The following NAMPT variants were observed in gnomAD, a reference collection of about 807,000 sequenced individuals.
The protein encoded by NAMPT is NAmPRTase.
Under a neutral mutation model 58.7 loss-of-function variants are expected in NAMPT, and 7 were observed. That is an observed-to-expected ratio of 0.12 (90% confidence interval 0.07 to 0.22). The LOEUF (loss-of-function observed/expected upper bound fraction) is 0.22. NAMPT is among the 10% of genes least tolerant of loss of function. The probability of loss-of-function intolerance (pLI) is 1.00; values close to 1 mark genes in which losing one functional copy is unlikely to be tolerated. For missense variants in NAMPT, 271 were observed against 567.9 expected, an observed-to-expected ratio of 0.48 and a Z score of 5.31; for synonymous variants, 145 against 198.1, an observed-to-expected ratio of 0.73 and a Z score of 2.25.
Position 106,249,018 on chromosome 7 carries a change from C to G in NAMPT, c.*2065G>C, listed in dbSNP as rs539135557. ...TGAAATTCACAGAACACAGAGAATACTGTCTGTACTATAATTTCAATGTTT... is the reference window on the plus strand; with the variant it reads ...TGAAATTCACAGAACACAGAGAATAGTGTCTGTACTATAATTTCAATGTTT... On this transcript the variant is annotated 3_prime_UTR_variant, in exon 11 of 11. Coordinates refer to ENST00000222553, the MANE Select transcript of NAMPT (RefSeq NM_005746.3). The G allele has an allele frequency of 6.6e-6, 1 of 152,132 alleles. No homozygotes were observed. The highest frequency in any genetic ancestry group is 2.4e-5 in the African/African-American group (1 of 41,536). 9.4% of individuals were successfully genotyped at this position (152,132 alleles called of 1,614,324 possible). A position where few individuals can be genotyped will look rare whatever the true frequency, so the allele number is the denominator to read the frequency against.
intron 4 of NAMPT, among the ~76,000 whole-genome samples, chr7:106,270,975 T>C (rs1792519929): frequency 6.6e-6 from 1 of 152,244 alleles, no homozygotes; most frequent in Non-Finnish European, 1.5e-5. Context: ...CTGACCATTC[T>C]GCTTCTGAAA....
chr7:106,281,799 A>G (rs1792771482), intron 1 of NAMPT, among the ~76,000 whole-genome samples: 1 of 152,138 alleles, frequency 6.6e-6, no homozygotes, highest in Admixed American at 6.5e-5. Context: ...AATCACCTAT[A>G]ATCATATTGC....
chr7:106,254,680 A>G (rs998640469), intron 8 of NAMPT, among the ~76,000 whole-genome samples, 176 bp from the exon 9 acceptor site: 1 of 152,146 alleles, frequency 6.6e-6, no homozygotes, highest in African/African-American at 2.4e-5. Flanking sequence ...CAAAAGATGG[A>G]TATGTGTGGA....
At chr7:106,284,736 C>CCCA in intron 1 of NAMPT, 92 bp downstream of exon 1, 6 of 787,906 alleles carry the variant, frequency 7.6e-6, no homozygotes, top group Non-Finnish European at 8.6e-6. Flanking sequence ...GCCCCAGCCC[C>CCCA]AACCCCAGCC....
At chr7:106,276,793 G>T in intron 2 of NAMPT, 1 of 411,482 alleles carries the variant, frequency 2.4e-6, no homozygotes, top group Non-Finnish European at 4.5e-6. Context: ...GCTGAGTTGA[G>T]ATCATGCCAT....
At chr7:106,281,637 C>A (rs1218336473) in intron 1 of NAMPT, among the ~76,000 whole-genome samples, 1 of 152,194 alleles carries the variant, frequency 6.6e-6, no homozygotes, top group Non-Finnish European at 1.5e-5. Context: ...ATAACCGATT[C>A]TTCTTTTCAG....
chr7:106,271,319 G>C (rs1348518000), intron 4 of NAMPT, among the ~76,000 whole-genome samples: 5 of 152,070 alleles, frequency 3.3e-5, no homozygotes, highest in Admixed American at 2.0e-4. Context: ...CTTATTAAAA[G>C]CTTATTTATT....
At chr7:106,253,867 G>C (rs111790245) in intron 9 of NAMPT, among the ~76,000 whole-genome samples, 35 of 152,192 alleles carry the variant, frequency 2.3e-4, no homozygotes, top group African/African-American at 7.7e-4. Flanking sequence ...TTGCTCTATA[G>C]AATCTCCAGC....
intron 1 of NAMPT, among the ~76,000 whole-genome samples, chr7:106,283,067 G>A (rs1284067335): frequency 6.6e-6 from 1 of 152,114 alleles, no homozygotes; most frequent in African/African-American, 2.4e-5. Flanking sequence ...TAAGCCACTG[G>A]TATAAAACAT....
chr7:106,252,882 C>T (rs1792128268), intron 10 of NAMPT, 135 bp downstream of exon 10: 1 of 1,102,046 alleles, frequency 9.1e-7, no homozygotes. Flanking sequence ...TAGGCCAGGT[C>T]AGCAATTGGA....
intron 1 of NAMPT, among the ~76,000 whole-genome samples, chr7:106,282,270 A>C (rs927217857): frequency 1.3e-5 from 2 of 152,172 alleles, no homozygotes; most frequent in African/African-American, 4.8e-5. Context: ...TATAAATTTC[A>C]CAGCTCTTTG....
chr7:106,254,065 C>T (rs977491502), intron 9 of NAMPT, among the ~76,000 whole-genome samples: 1 of 151,776 alleles, frequency 6.6e-6, no homozygotes, highest in African/African-American at 2.4e-5. Flanking sequence ...CATTCCTACT[C>T]AAATATTACT....
At position 106,255,231 on chromosome 7, in the gene NAMPT, G is replaced by A. The variant is rs1433732129; in HGVS notation, c.1090-727C>T. 5.9e-5 allele frequency among the ~76,000 whole-genome samples: 9 copies of A among 152,166 alleles called. No individual in the cohort carries two copies. In the East Asian group the frequency reaches 1.3e-3, roughly 23 times the overall value. On this transcript the variant is annotated intron_variant, in intron 8 of 10. Coordinates refer to ENST00000222553, the MANE Select transcript of NAMPT (RefSeq NM_005746.3). ...CTTTAAAGATGTGTTTATTACCAAT[G>A]TCATTTGTATTTCTTTCACCAAAGT...
chr7:106,267,854 A>AC (rs1792450652), intron 6 of NAMPT, among the ~76,000 whole-genome samples: 2 of 116,478 alleles, frequency 1.7e-5, no homozygotes, highest in African/African-American at 3.0e-5. Context: ...AAAAAAAAAA[A>AC]AAAAAAAAAA....
At chr7:106,276,381 A>T (rs1350132959) in intron 2 of NAMPT, 1 of 152,234 alleles carries the variant, frequency 6.6e-6, no homozygotes, top group East Asian at 1.9e-4. Flanking sequence ...AGTTTTTAAA[A>T]ATAGGTCTTC....
chr7:106,260,192 T>C (rs1318067877), intron 8 of NAMPT, among the ~76,000 whole-genome samples: 1 of 152,248 alleles, frequency 6.6e-6, no homozygotes, highest in African/African-American at 2.4e-5. Context: ...GGCTGTTTCC[T>C]CTACACTGAC....
At position 106,266,449 on chromosome 7, in the gene NAMPT, A is replaced by C. The variant is rs559672474; in HGVS notation, c.743+2015T>G. ...GTATGTACATCTAAGGCCAAACTAA[A>C]AATAACTCTTAAAACTTTGTTAAAG... On this transcript the variant is annotated intron_variant, in intron 6 of 10. Transcript: ENST00000222553. 1.4e-4 allele frequency among the ~76,000 whole-genome samples: 21 copies of C among 152,332 alleles called. No individual in the cohort carries two copies. In the South Asian group the frequency reaches 4.1e-3, roughly 30 times the overall value.
intron 8 of NAMPT, among the ~76,000 whole-genome samples, chr7:106,260,981 G>C (rs1792291923): frequency 6.6e-6 from 1 of 152,156 alleles, no homozygotes; most frequent in African/African-American, 2.4e-5. Flanking sequence ...TTACCAGTAT[G>C]TGTCACACAG....
intron 8 of NAMPT, among the ~76,000 whole-genome samples, chr7:106,259,878 C>CT (rs78910620): frequency 0.53 from 69,982 of 132,724 alleles, 19,926 homozygotes; most frequent in East Asian, 0.88. Flanking sequence ...TCGAAACAAT[C>CT]TTTTTTTTTT....
Sources: gnomAD v4.1 joint callset for allele counts (sites outside exome capture counted in the v4.1 genomes callset) on GRCh38, gnomAD v4.1.1 for gene constraint, MANE v1.5 for transcripts, NCBI Gene and HGNC (gene_info 2026-07-23, HGNC 2026-07-21) for gene names.